The following MTFR1 variants were observed in gnomAD, a reference collection of about 807,000 sequenced individuals.
MTFR1 encodes the protein chondrocyte protein with a poly-proline region.
Under a neutral mutation model 38.8 loss-of-function variants are expected in MTFR1, and 28 were observed. That is an observed-to-expected ratio of 0.72 (90% confidence interval 0.53 to 0.99). The LOEUF (loss-of-function observed/expected upper bound fraction) is 0.99. Ranked by LOEUF, MTFR1 falls within the 50% of genes least tolerant of loss-of-function variation. The pLI, the probability that MTFR1 is intolerant of heterozygous loss-of-function variation, is 0.00. For synonymous variants in MTFR1, 145 were observed against 137.0 expected, an observed-to-expected ratio of 1.06 and a Z score of -0.41; for missense variants, 358 against 395.5, an observed-to-expected ratio of 0.91 and a Z score of 0.81.
chr8:65,727,318 G>T, intron 3 of MTFR1: 1 of 1,611,956 alleles, frequency 6.2e-7, no homozygotes, highest in Non-Finnish European at 8.5e-7. Context: ...TGTGACAAAA[G>T]AATAATGAAT....
chr8:65,668,893 A>G (rs1804477785), intron 1 of MTFR1, among the ~76,000 whole-genome samples: 1 of 152,138 alleles, frequency 6.6e-6, no homozygotes, highest in South Asian at 2.1e-4. Flanking sequence ...TTAGAGACCA[A>G]CACTTCCAGT....
Position 65,723,715 on chromosome 8 carries a change from A to T in MTFR1, c.*48+4234A>T, listed in dbSNP as rs944021818. 6 of 849,912 alleles carry T rather than the reference A, an allele frequency of 7.1e-6. No homozygotes were observed. The African/African-American group carries it at 1.1e-4, about 15-fold the overall frequency. The allele number at this position is 849,912 out of a possible 1,614,324, so 52.6% of individuals were successfully genotyped here. ...TGAACATACCTGTGCATTTCTTAGG[A>T]AAAACATACTTAATCCTCATGAGAG... On this transcript the variant is annotated intron_variant, in intron 3 of 3. Coordinates refer to the MTFR1 transcript ENST00000521247.
intron 2 of MTFR1, among the ~76,000 whole-genome samples, chr8:65,677,487 A>T (rs1233931720): frequency 1.4e-5 from 2 of 139,368 alleles, no homozygotes; most frequent in East Asian, 4.4e-4. Context: ...GGTTTAAGCT[A>T]TTCTCCTGCC....
At chr8:65,678,800 G>T (rs1804792072) in intron 2 of MTFR1, among the ~76,000 whole-genome samples, 1 of 151,944 alleles carries the variant, frequency 6.6e-6, no homozygotes, top group African/African-American at 2.4e-5. Context: ...AGATAGAATT[G>T]CTGTAACCCA....
At chr8:65,778,561 A>C in the MTFR1 span, among the ~76,000 whole-genome samples, 1 of 152,224 alleles carries the variant, frequency 6.6e-6, no homozygotes, top group African/African-American at 2.4e-5. Context: ...TGATTCTCGG[A>C]ATCATGAGCA....
intron 3 of MTFR1, among the ~76,000 whole-genome samples, chr8:65,720,076 T>C (rs1302504917): frequency 6.6e-6 from 1 of 152,154 alleles, no homozygotes; most frequent in Non-Finnish European, 1.5e-5. Flanking sequence ...AGTGAAAAAA[T>C]CATTAAAGTG....
intron 5 of MTFR1, 116 bp downstream of exon 5, chr8:65,705,045 T>C (rs1188021464): frequency 3.3e-6 from 3 of 921,748 alleles, no homozygotes; most frequent in African/African-American, 1.7e-5. Context: ...CCAGGTGTCA[T>C]CCAGGTACGG....
chr8:65,724,342 T>C (rs756890692), intron 3 of MTFR1: 1 of 1,610,558 alleles, frequency 6.2e-7, no homozygotes, highest in Non-Finnish European at 8.5e-7. Flanking sequence ...TCAGCACATT[T>C]CAAAGCCATC....
At chr8:65,747,600 C>T (rs955273814) in intron 3 of MTFR1, 33 of 1,179,800 alleles carry the variant, frequency 2.8e-5, no homozygotes, top group Non-Finnish European at 3.2e-5. Flanking sequence ...GAATAAAGGC[C>T]TTCAGTAAAC....
At chr8:65,701,665 T>TTA (rs1398394842) in intron 4 of MTFR1, among the ~76,000 whole-genome samples, 7 of 152,154 alleles carry the variant, frequency 4.6e-5, no homozygotes, top group African/African-American at 1.7e-4. Context: ...ATAAGGATAG[T>TTA]GAATAAAGTG....
intron 4 of MTFR1, among the ~76,000 whole-genome samples, chr8:65,699,968 G>C (rs2082446355): frequency 6.6e-6 from 1 of 152,028 alleles, no homozygotes; most frequent in Admixed American, 6.6e-5. Flanking sequence ...ATGTCTCCAG[G>C]AAAACAGGAT....
At chr8:65,746,055 C>T (rs915868262) in intron 3 of MTFR1, among the ~76,000 whole-genome samples, 15 of 151,892 alleles carry the variant, frequency 9.9e-5, no homozygotes, top group African/African-American at 2.7e-4. Flanking sequence ...CTCAGCCTCC[C>T]GAGAAGCTGG....
intron 3 of MTFR1, among the ~76,000 whole-genome samples, chr8:65,735,157 GC>G (rs1426373097): frequency 6.6e-6 from 1 of 152,130 alleles, no homozygotes; most frequent in East Asian, 1.9e-4. Context: ...CTACTTGACA[GC>G]CCTAGCAGCA....
intron 3 of MTFR1, 113 bp downstream of exon 3, chr8:65,682,564 A>T (rs1461429441): frequency 1.7e-6 from 1 of 603,344 alleles, no homozygotes; most frequent in Admixed American, 4.5e-5. Context: ...AATTGATGCC[A>T]CTATCAATAC....
chr8:65,668,682 T>C lies in MTFR1; in HGVS notation c.-80-1191T>C, dbSNP rs143845207. ...GTTCCTGCTACCACGCCCAGCTAAC[T>C]TTTGTATTTTTATTAGAGTTGGAGT... On this transcript the variant is annotated intron_variant, in intron 1 of 7. Transcript: ENST00000262146. Among the ~76,000 whole-genome samples the C allele has an allele frequency of 8.2e-3, 1,246 of 151,838 alleles. 4 individuals are homozygous for C. Among genetic ancestry groups the C allele is most frequent in the Non-Finnish European group, 0.014 (930 of 67,946 alleles).
intron 2 of MTFR1, among the ~76,000 whole-genome samples, chr8:65,671,180 A>T (rs1180005255): frequency 1.3e-5 from 2 of 152,152 alleles, no homozygotes; most frequent in African/African-American, 4.8e-5. Flanking sequence ...GCAATAGGAA[A>T]ATGACTTGTA....
intron 2 of MTFR1, among the ~76,000 whole-genome samples, chr8:65,716,508 A>T (rs1214391612): frequency 2.6e-5 from 4 of 152,106 alleles, no homozygotes; most frequent in African/African-American, 9.7e-5. Context: ...GTCCACAAAC[A>T]TGAATATCAC....
intron 3 of MTFR1, among the ~76,000 whole-genome samples, chr8:65,757,548 C>T (rs915413187): frequency 2.6e-5 from 4 of 152,154 alleles, no homozygotes; most frequent in Non-Finnish European, 4.4e-5. Flanking sequence ...TTCTTTCCGG[C>T]ATCTGGAATA....
intron 4 of MTFR1, among the ~76,000 whole-genome samples, chr8:65,701,932 G>A (rs948753772): frequency 6.6e-6 from 1 of 152,096 alleles, no homozygotes; most frequent in Non-Finnish European, 1.5e-5. Flanking sequence ...AGATGTTACT[G>A]GTTTCTATTT....
Sources: gnomAD v4.1 joint callset for allele counts (sites outside exome capture counted in the v4.1 genomes callset) on GRCh38, gnomAD v4.1.1 for gene constraint, MANE v1.5 for transcripts, NCBI Gene and HGNC (gene_info 2026-07-23, HGNC 2026-07-21) for gene names.